The following MFHAS1 variants were observed in gnomAD, a reference collection of about 807,000 sequenced individuals.
The protein encoded by MFHAS1 is malignant fibrous histiocytoma-amplified sequence 1.
Under a neutral mutation model 70.4 loss-of-function variants are expected in MFHAS1, and 50 were observed. That is an observed-to-expected ratio of 0.71 (90% CI 0.57 to 0.90). The LOEUF is 0.90. Among genes scored for constraint, MFHAS1 ranks in the 40% least tolerant of loss-of-function variants. MFHAS1 has a pLI of 0.00. For synonymous variants in MFHAS1, 952 were observed against 620.0 expected (o/e 1.54, Z -7.96); for missense variants, 1,795 against 1,347.6 (o/e 1.33, Z -5.20).
rs1354933347 is a variant in MFHAS1, at chr8:8,784,768, C to T, written c.*1254G>A. The T allele has an allele frequency of 6.6e-6, 1 of 152,162 alleles. No individual in the cohort carries two copies. The highest frequency in any genetic ancestry group is 6.5e-5 in the Admixed American group (1 of 15,278). The allele number at this position is 152,162 out of a possible 1,614,324, so 9.4% of individuals were successfully genotyped here. A position where few individuals can be genotyped will look rare whatever the true frequency, so the allele number is the denominator to read the frequency against. ...ATGTAAACAGAGTTTTTTACACTCT[C>T]CGAAAAACATGTTACTACTGTAGCA... On this transcript the variant is annotated 3_prime_UTR_variant, in exon 3 of 3. Transcript: ENST00000276282.
At chr8:8,880,853 T>G (rs1470486371) in intron 1 of MFHAS1, among the ~76,000 whole-genome samples, 2 of 151,976 alleles carry the variant, frequency 1.3e-5, no homozygotes, top group African/African-American at 4.8e-5. Flanking sequence ...CCTGGCTAAT[T>G]TTTGTATTTT....
chr8:8,801,950 C>T (rs964277374), intron 1 of MFHAS1, among the ~76,000 whole-genome samples: 19 of 152,194 alleles, frequency 1.2e-4, no homozygotes, highest in African/African-American at 2.4e-4. Context: ...AACACTTAGA[C>T]GAAGGACCCA....
intron 1 of MFHAS1, among the ~76,000 whole-genome samples, chr8:8,866,699 T>C (rs755300115): frequency 1.3e-5 from 2 of 152,166 alleles, no homozygotes; most frequent in Non-Finnish European, 2.9e-5. Context: ...CCCAGTCTCT[T>C]ACACATTCTC....
At position 8,890,836 on chromosome 8, in the gene MFHAS1, G is replaced by C. The variant is rs760218204; in HGVS notation, c.2223C>G (p.Phe741Leu). 33 of 1,614,112 alleles carry C rather than the reference G, an allele frequency of 2.0e-5. No homozygotes were observed. Among genetic ancestry groups the C allele is most frequent in the Non-Finnish European group, 2.8e-5 (33 of 1,180,050 alleles). ...TRLIDILNVF[F>L]QRDPSLLLHK... Reference sequence around the variant, plus strand: ...GCAGCAGCAAAGAGGGATCCCTCTGGAAGAAGACATTGAGGATGTCGATGA... The same window carrying C: ...GCAGCAGCAAAGAGGGATCCCTCTGCAAGAAGACATTGAGGATGTCGATGA... The change falls in exon 1 of 3, where the codon TTC (phenylalanine) becomes TTG (leucine). Residue 741 changes from phenylalanine to leucine, a missense_variant. Phe to Leu is a conservative substitution (Grantham distance 22). Coordinates refer to ENST00000276282, the MANE Select transcript of MFHAS1 (RefSeq NM_004225.3).
At chr8:8,820,362 G>C (rs149731411) in intron 1 of MFHAS1, among the ~76,000 whole-genome samples, 311 of 152,066 alleles carry the variant, frequency 2.0e-3, no homozygotes, top group African/African-American at 7.0e-3. Context: ...CACACATCAG[G>C]AATTTTTTGT....
At chr8:8,839,808 GT>G (rs1331916484) in intron 1 of MFHAS1, among the ~76,000 whole-genome samples, 2 of 152,118 alleles carry the variant, frequency 1.3e-5, no homozygotes, top group Non-Finnish European at 2.9e-5. Context: ...GAATCCACCT[GT>G]TTCTAAGAAA....
At chr8:8,789,470 C>T (rs113941775) in intron 2 of MFHAS1, among the ~76,000 whole-genome samples, 2,009 of 152,262 alleles carry the variant, frequency 0.013, 38 homozygotes, top group South Asian at 0.048. Context: ...AAGGGAGGGT[C>T]CAGCCTGGGG....
rs1374088006 is a variant in MFHAS1 at position 8,783,708 on chromosome 8, GA to G, written c.*2313del. On this transcript the variant is annotated 3_prime_UTR_variant, in exon 3 of 3. Coordinates refer to ENST00000276282, the MANE Select transcript of MFHAS1 (RefSeq NM_004225.3). The stretch of plus-strand genomic sequence containing the variant: ...TGAGAGGCAAGGGACGCCTTGCTTA[GA>G]AAACATTCCTCTTGTGCTTAGTGAA... 6.6e-6 allele frequency: 1 copy of G among 152,218 alleles called. No homozygotes were observed. Among genetic ancestry groups the G allele is most frequent in the East Asian group, 1.9e-4 (1 of 5,202 alleles). 9.4% of individuals were successfully genotyped at this position (152,218 alleles called of 1,614,324 possible). A position where few individuals can be genotyped will look rare whatever the true frequency, so the allele number is the denominator to read the frequency against.
At position 8,805,389 on chromosome 8, in the gene MFHAS1, G is replaced by A. The variant is rs910971167; in HGVS notation, c.2999-7898C>T. The stretch of plus-strand genomic sequence containing the variant: ...ATATTTTGTGTGTCACATATAGCAT[G>A]TGCTGTATTCTTACAATAAAATAAG... On this transcript the variant is annotated intron_variant, in intron 1 of 2. Transcript: ENST00000276282. Among the ~76,000 whole-genome samples the A allele has an allele frequency of 1.1e-4, 16 of 152,190 alleles. No individual in the cohort carries two copies. In the South Asian group the frequency reaches 2.1e-3, roughly 20 times the overall value.
At chr8:8,794,286 C>G (rs1805818727) in intron 2 of MFHAS1, among the ~76,000 whole-genome samples, 2 of 152,300 alleles carry the variant, frequency 1.3e-5, no homozygotes, top group South Asian at 4.1e-4. Context: ...CTTCCAATGT[C>G]TAGTGCCTGC....
At position 8,786,045 on chromosome 8, in the gene MFHAS1, C is replaced by G; in HGVS notation, c.3136G>C (p.Gly1046Arg). The part of the protein sequence containing the change: ...VISPCSKKNV[G>R]EKHRNQ Reference sequence around the variant, plus strand: ...CGTCACTGGTTTCTGTGCTTTTCACCAACATTCTTCCTGTATGGGTGGACA... The same window carrying G: ...CGTCACTGGTTTCTGTGCTTTTCACGAACATTCTTCCTGTATGGGTGGACA... The change falls in exon 3 of 3, where the codon GGT (glycine) becomes CGT (arginine). Residue 1046 changes from glycine to arginine, a missense_variant. By Grantham distance (125) the Gly-to-Arg change is moderately radical. Coordinates refer to ENST00000276282, the MANE Select transcript of MFHAS1 (RefSeq NM_004225.3). 1 of 1,614,028 alleles carries G rather than the reference C, an allele frequency of 6.2e-7. No individual in the cohort carries two copies. The highest frequency in any genetic ancestry group is 8.5e-7 in the Non-Finnish European group (1 of 1,179,988).
Position 8,849,046 on chromosome 8 carries a change from C to T in MFHAS1, c.2998+41015G>A, listed in dbSNP as rs557744751. ...CACAATGCAAAGAACAGCTCTGCAG[C>T]AATTAATTCCTTTTTACCTTTTTTT... On this transcript the variant is annotated intron_variant, in intron 1 of 2. Coordinates refer to ENST00000276282, the MANE Select transcript of MFHAS1 (RefSeq NM_004225.3). Among the ~76,000 whole-genome samples, 369 of 142,142 alleles carry T rather than the reference C, an allele frequency of 2.6e-3. 2 individuals carry two copies. Among genetic ancestry groups the T allele is most frequent in the African/African-American group, 9.4e-3 (361 of 38,462 alleles). The allele number at this position is 142,142 out of a possible 152,430, so 93.3% of individuals were successfully genotyped here.
rs750565505 is a variant in MFHAS1, at chr8:8,890,047, C to T, written c.2998+14G>A. On this transcript the variant is annotated intron_variant, in intron 1 of 2. Transcript: ENST00000276282. Reference sequence around the variant, plus strand: ...CAGCATACCACAGAAGAACTTCTCCCTCTCTCCACTTACCTGGAAAAGCAT... The same window carrying T: ...CAGCATACCACAGAAGAACTTCTCCTTCTCTCCACTTACCTGGAAAAGCAT... 1 of 1,565,538 alleles carries T rather than the reference C, an allele frequency of 6.4e-7. No homozygotes were observed. The highest frequency in any genetic ancestry group is 2.3e-5 in the East Asian group (1 of 44,346).
chr8:8,891,429 C>G lies in MFHAS1; in HGVS notation c.1630G>C (p.Glu544Gln), dbSNP rs1208758000. The G allele has an allele frequency of 1.2e-6, 2 of 1,612,920 alleles. No homozygotes were observed. Among genetic ancestry groups the G allele is most frequent in the Admixed American group, 1.7e-5 (1 of 60,030 alleles). Reference protein sequence around the residue: ...IVGTHADLCGERELEEKCLDI... With the variant: ...IVGTHADLCGQRELEEKCLDI... ...AGACATTTCTCCTCCAGCTCACGCT[C>G]TCCGCACAGGTCTGCGTGGGTGCCC... The change falls in exon 1 of 3, where the codon GAG (glutamate) becomes CAG (glutamine). Residue 544 changes from glutamate (E) to glutamine (Q), a missense_variant. Glu to Gln is a conservative substitution (Grantham distance 29). Transcript: ENST00000276282. This position sits in a 1 kb window ranked among gnomAD's most constrained non-coding sequence, Gnocchi z 5.4.
At chr8:8,846,151 GC>G (rs1202235352) in intron 1 of MFHAS1, among the ~76,000 whole-genome samples, 1 of 151,062 alleles carries the variant, frequency 6.6e-6, no homozygotes, top group Non-Finnish European at 1.5e-5. Context: ...TACTCAGGAA[GC>G]TGAGGCAGGA....
At chr8:8,826,985 G>A (rs968620210) in intron 1 of MFHAS1, among the ~76,000 whole-genome samples, 6 of 152,186 alleles carry the variant, frequency 3.9e-5, no homozygotes, top group Non-Finnish European at 5.9e-5. Context: ...ATGTCTTGTT[G>A]TACAAGGTAA....
At chr8:8,868,558 C>T (rs1808949785) in intron 1 of MFHAS1, among the ~76,000 whole-genome samples, 2 of 152,060 alleles carry the variant, frequency 1.3e-5, no homozygotes, top group South Asian at 4.2e-4. Context: ...TTTGGAGCTA[C>T]TCCCAACTAC....
At chr8:8,787,373 C>T (rs1274600075) in intron 2 of MFHAS1, among the ~76,000 whole-genome samples, 1 of 152,164 alleles carries the variant, frequency 6.6e-6, no homozygotes, top group Non-Finnish European at 1.5e-5. Context: ...AGCCACTGCG[C>T]CCGGCCTCAG....
At chr8:8,812,874 C>G (rs549461562) in intron 1 of MFHAS1, among the ~76,000 whole-genome samples, 1 of 152,306 alleles carries the variant, frequency 6.6e-6, no homozygotes, top group African/African-American at 2.4e-5. Flanking sequence ...TCAAGCGATT[C>G]TCTGGCCTCA....
Sources: allele counts gnomAD v4.1 joint callset (sites outside exome capture counted in the v4.1 genomes callset), GRCh38; gene constraint gnomAD v4.1.1; non-coding constraint Gnocchi (gnomAD v3.1); transcripts MANE v1.5; gene names NCBI Gene and HGNC (gene_info 2026-07-23, HGNC 2026-07-21).